The following KCNIP4 variants were observed in gnomAD, a reference collection of about 807,000 sequenced individuals.
KCNIP4 encodes Kv channel-interacting protein 4.
KCNIP4 carries 12 observed loss-of-function variants against 34.0 expected under a neutral mutation model. That is an observed-to-expected ratio of 0.35 (90% CI 0.23 to 0.57). KCNIP4 has a LOEUF of 0.57. Among genes scored for constraint, KCNIP4 ranks in the 20% least tolerant of loss-of-function variants. The pLI, the probability that KCNIP4 is intolerant of heterozygous loss-of-function variation, is 0.83. For missense variants in KCNIP4, 238 were observed against 311.7 expected (o/e 0.76, Z 1.78); for synonymous variants, 124 against 102.2 (o/e 1.21, Z -1.29).
chr4:21,494,858 C>G (rs1488481254), intron 1 of KCNIP4, among the ~76,000 whole-genome samples: 1 of 151,052 alleles, frequency 6.6e-6, no homozygotes, highest in Non-Finnish European at 1.5e-5. Flanking sequence ...CTGAATATGT[C>G]AAAATTACTA....
intron 1 of KCNIP4, among the ~76,000 whole-genome samples, chr4:21,683,961 A>G (rs1479805331): frequency 6.6e-6 from 1 of 152,022 alleles, no homozygotes; most frequent in Non-Finnish European, 1.5e-5. Flanking sequence ...AACAACAGAT[A>G]CTGGGGCCTG....
chr4:20,779,342 C>G (rs1038767775), intron 3 of KCNIP4, among the ~76,000 whole-genome samples: 2 of 151,930 alleles, frequency 1.3e-5, no homozygotes, highest in Non-Finnish European at 2.9e-5. Flanking sequence ...GAAAAAGAGA[C>G]AAGATTATCA....
chr4:21,587,967 T>A lies in KCNIP4; in HGVS notation c.61+360604A>T, dbSNP rs189610521. 2.6e-4 allele frequency among the ~76,000 whole-genome samples: 39 copies of A among 152,196 alleles called. No individual in the cohort carries two copies. In the East Asian group the frequency reaches 7.4e-3, roughly 29 times the overall value. Reference sequence around the variant, plus strand: ...GAATCAGTTGCATTCCATTTTTGTATGTTTAACTAATAAAATGTTCCCTTT... The same window carrying A: ...GAATCAGTTGCATTCCATTTTTGTAAGTTTAACTAATAAAATGTTCCCTTT... On this transcript the variant is annotated intron_variant, in intron 1 of 8. Coordinates refer to ENST00000382152, the MANE Select transcript of KCNIP4 (RefSeq NM_025221.6).
intron 1 of KCNIP4, among the ~76,000 whole-genome samples, chr4:21,563,647 G>A (rs1362698484): frequency 6.6e-6 from 1 of 152,020 alleles, no homozygotes; most frequent in East Asian, 1.9e-4. Context: ...ATGACAGTAG[G>A]AGAGACACAT....
intron 1 of KCNIP4, among the ~76,000 whole-genome samples, chr4:21,297,258 G>A (rs773472186): frequency 2.6e-5 from 4 of 151,906 alleles, no homozygotes; most frequent in South Asian, 4.2e-4. Flanking sequence ...TCATCTGTGG[G>A]GTATCTGAAC....
In KCNIP4 at chr4:21,553,150, TC is replaced by T. The variant is rs550534856; in HGVS notation, c.61+395420del. On this transcript the variant is annotated intron_variant, in intron 1 of 8. Transcript: ENST00000382152. ...ACATCTGAAAGCTTAAAGGGGGGGG[TC>T]ATAAAAGAGTTGGAATAACAAGTTG... Among the ~76,000 whole-genome samples, 252 of 34,202 alleles carry T rather than the reference TC, an allele frequency of 7.4e-3. 11 individuals carry two copies. The South Asian group carries it at 0.17, about 23-fold the overall frequency. The allele number at this position is 34,202 out of a possible 152,430, so 22.4% of individuals were successfully genotyped here. A position where few individuals can be genotyped will look rare whatever the true frequency, so the allele number is the denominator to read the frequency against.
intron 1 of KCNIP4, among the ~76,000 whole-genome samples, chr4:21,445,518 T>C (rs1312568003): frequency 1.3e-5 from 2 of 152,156 alleles, no homozygotes; most frequent in African/African-American, 4.8e-5. Context: ...AAACAAGCAA[T>C]GGGGAAAGGA....
At chr4:21,605,072 T>C (rs1303346071) in intron 1 of KCNIP4, among the ~76,000 whole-genome samples, 2 of 152,210 alleles carry the variant, frequency 1.3e-5, no homozygotes, top group African/African-American at 2.4e-5. Flanking sequence ...TCTTGCGGGC[T>C]GGTCACTAAA....
chr4:21,029,146 C>G (rs917253928), intron 1 of KCNIP4, among the ~76,000 whole-genome samples: 1 of 152,096 alleles, frequency 6.6e-6, no homozygotes. Context: ...CTAAGAGAAG[C>G]CTACATTTGT....
chr4:21,454,853 T>C (rs1728788586), intron 1 of KCNIP4, among the ~76,000 whole-genome samples: 2 of 152,078 alleles, frequency 1.3e-5, no homozygotes, highest in African/African-American at 4.8e-5. Context: ...AGCTTTAAAA[T>C]GCAACTTATT....
chr4:21,155,688 G>A (rs752216369), intron 1 of KCNIP4, among the ~76,000 whole-genome samples: 22 of 152,098 alleles, frequency 1.4e-4, no homozygotes, highest in Non-Finnish European at 2.9e-4. Flanking sequence ...TGATCCTGGA[G>A]GGCTGAATCT....
At chr4:21,121,026 A>G (rs1407255522) in intron 1 of KCNIP4, among the ~76,000 whole-genome samples, 2 of 152,204 alleles carry the variant, frequency 1.3e-5, no homozygotes, top group African/African-American at 4.8e-5. Flanking sequence ...AGTTTGCCCC[A>G]CTGTGTGCTT....
intron 1 of KCNIP4, among the ~76,000 whole-genome samples, chr4:21,932,370 A>G (rs1644537726): frequency 6.6e-6 from 1 of 152,070 alleles, no homozygotes; most frequent in South Asian, 2.1e-4. Flanking sequence ...ACTGGCCTGA[A>G]GCCTTGAGGA....
intron 1 of KCNIP4, among the ~76,000 whole-genome samples, chr4:21,359,369 C>T (rs915356596): frequency 6.6e-6 from 1 of 152,002 alleles, no homozygotes; most frequent in African/African-American, 2.4e-5. Context: ...TCTTAGCCTA[C>T]ATAATCATGT....
rs1746885890 is a variant in KCNIP4 at position 20,728,894 on chromosome 4, G to A, written c.*1188C>T. The stretch of plus-strand genomic sequence containing the variant: ...ACGATGTGTGTGGCTTTAGTAATGT[G>A]GCAACTTTACAGTTTTGGCTAAGAT... On this transcript the variant is annotated 3_prime_UTR_variant, in exon 9 of 9. Coordinates refer to ENST00000382152, the MANE Select transcript of KCNIP4 (RefSeq NM_025221.6). The A allele has an allele frequency of 6.6e-6, 1 of 151,138 alleles. No individual in the cohort carries two copies. The highest frequency in any genetic ancestry group is 2.5e-5 in the African/African-American group (1 of 40,738). The allele number at this position is 151,138 out of a possible 1,614,324, so 9.4% of individuals were successfully genotyped here.
intron 1 of KCNIP4, among the ~76,000 whole-genome samples, chr4:21,774,702 A>G (rs927859901): frequency 2.6e-5 from 4 of 152,110 alleles, no homozygotes; most frequent in South Asian, 4.1e-4. Flanking sequence ...GTAGTCTTCA[A>G]TCTCTGATAT....
chr4:20,924,459 T>C (rs1182624132), intron 1 of KCNIP4, among the ~76,000 whole-genome samples: 4 of 152,224 alleles, frequency 2.6e-5, no homozygotes, highest in African/African-American at 9.6e-5. Context: ...TTCCCCTTTA[T>C]ATATTTTTAA....
chr4:21,774,755 T>A (rs1719058505), intron 1 of KCNIP4, among the ~76,000 whole-genome samples: 1 of 152,194 alleles, frequency 6.6e-6, no homozygotes, highest in Admixed American at 6.5e-5. Flanking sequence ...CACTTGTGTA[T>A]GCTTCATGAA....
At chr4:21,665,534 A>C (rs1748799678) in intron 1 of KCNIP4, among the ~76,000 whole-genome samples, 1 of 140,766 alleles carries the variant, frequency 7.1e-6, no homozygotes, top group African/African-American at 2.6e-5. Context: ...CATTTTATAC[A>C]TGTATTTTCT....
Sources: allele counts gnomAD v4.1 joint callset (sites outside exome capture counted in the v4.1 genomes callset), GRCh38; gene constraint gnomAD v4.1.1; transcripts MANE v1.5; gene names NCBI Gene and HGNC (gene_info 2026-07-23, HGNC 2026-07-21).